Variants in EDAR observed in about 807,000 individuals in gnomAD.
EDAR encodes the protein tumor necrosis factor receptor superfamily member EDAR.
A neutral mutation model predicts 51.3 loss-of-function variants in EDAR; 38 were observed. The observed-to-expected ratio is 0.74, with a 90% CI of 0.57 to 0.97. The LOEUF (loss-of-function observed/expected upper bound fraction) is 0.97, where lower values mean the gene tolerates loss of function less well. Among genes scored for constraint, EDAR ranks in the 50% least tolerant of loss-of-function variants. The probability of loss-of-function intolerance (pLI) is 0.00; values close to 1 mark genes in which losing one functional copy is unlikely to be tolerated. For synonymous variants in EDAR, 227 were observed against 242.1 expected (o/e 0.94, Z 0.58); for missense variants, 528 against 595.0 (o/e 0.89, Z 1.17).
chr2:108,986,209 G>A (rs1252934163), intron 1 of EDAR, among the ~76,000 whole-genome samples: 1 of 151,978 alleles, frequency 6.6e-6, no homozygotes, highest in African/African-American at 2.4e-5. Context: ...CACCTACAAT[G>A]GCCTATATTT....
At chr2:108,918,243 A>G (rs1697063565) in intron 5 of EDAR, among the ~76,000 whole-genome samples, 1 of 152,056 alleles carries the variant, frequency 6.6e-6, no homozygotes, top group South Asian at 2.1e-4. Flanking sequence ...AGGCACCGGC[A>G]CCCCCTGCAC....
At chr2:108,984,444 G>A (rs1225659613) in intron 1 of EDAR, among the ~76,000 whole-genome samples, 1 of 152,022 alleles carries the variant, frequency 6.6e-6, no homozygotes, top group Admixed American at 6.6e-5. Flanking sequence ...GCCACGGCCC[G>A]CTCAGGCTCC....
intron 1 of EDAR, among the ~76,000 whole-genome samples, chr2:108,979,560 G>A (rs1698387778): frequency 6.6e-6 from 1 of 152,102 alleles, no homozygotes; most frequent in Non-Finnish European, 1.5e-5. Flanking sequence ...TAAGCTAGGG[G>A]CATGTCAGGT....
At position 108,897,142 on chromosome 2, in the gene EDAR, A is replaced by C; in HGVS notation, c.1112T>G (p.Val371Gly). ...CTCGGCGAGGTGGCGCCACGTTTTC[A>C]CAACAGCCTTCTCAGAGTTGTACGT... ...SSTYNSEKAV[V>G]KTWRHLAESF... Residue 371 changes from valine (V) to glycine (G), a missense_variant, in exon 12 of 12, where the codon GTG becomes GGG. Physicochemically the swap from Val to Gly is moderately radical, Grantham distance 109. Coordinates refer to ENST00000258443, the MANE Select transcript of EDAR (RefSeq NM_022336.4). 1 of 1,613,936 alleles carries C rather than the reference A, an allele frequency of 6.2e-7. No homozygotes were observed. Among genetic ancestry groups the C allele is most frequent in the African/African-American group, 1.3e-5 (1 of 75,010 alleles).
intron 5 of EDAR, among the ~76,000 whole-genome samples, chr2:108,916,855 G>A (rs992929887): frequency 6.6e-5 from 10 of 152,152 alleles, no homozygotes; most frequent in African/African-American, 2.2e-4. Context: ...GGCCACTAGA[G>A]CATCTGCAGG....
chr2:108,906,535 T>C (rs1696810143), intron 10 of EDAR, among the ~76,000 whole-genome samples, 167 bp from the exon 11 acceptor site: 1 of 152,116 alleles, frequency 6.6e-6, no homozygotes, highest in Non-Finnish European at 1.5e-5. Flanking sequence ...AGGAGGGCCT[T>C]CTTCAGGTTT....
intron 10 of EDAR, 139 bp from the exon 11 acceptor site, chr2:108,906,507 C>A: frequency 1.1e-6 from 1 of 875,504 alleles, no homozygotes; most frequent in East Asian, 2.6e-5. Flanking sequence ...GTCAGCAGCC[C>A]AGCCCTGACA....
chr2:108,912,567 G>A, intron 6 of EDAR, 111 bp downstream of exon 6: 1 of 1,042,810 alleles, frequency 9.6e-7, no homozygotes, highest in Non-Finnish European at 1.4e-6. Context: ...GGTGAGGCCA[G>A]GTGGGGAAGC....
At chr2:108,924,209 A>AT (rs1175967771) in intron 4 of EDAR, among the ~76,000 whole-genome samples, 1 of 152,130 alleles carries the variant, frequency 6.6e-6, no homozygotes, top group Non-Finnish European at 1.5e-5. Context: ...CAGCTCCCCG[A>AT]TGTCACAGTG....
intron 10 of EDAR, among the ~76,000 whole-genome samples, chr2:108,906,792 G>A (rs1030606928): frequency 6.6e-6 from 1 of 152,226 alleles, no homozygotes. Context: ...CCTGGCTGAA[G>A]AGTCCCGGGG....
intron 1 of EDAR, among the ~76,000 whole-genome samples, chr2:108,949,589 T>C (rs1697784014): frequency 1.3e-5 from 2 of 152,176 alleles, no homozygotes; most frequent in African/African-American, 4.8e-5. Flanking sequence ...TAAAATCTTT[T>C]TTTTTCCTAA....
Position 108,919,351 on chromosome 2 carries a change from C to T in EDAR, c.442+4017G>A, listed in dbSNP as rs555018499. Among the ~76,000 whole-genome samples the T allele has an allele frequency of 1.2e-3, 178 of 152,128 alleles. 1 individual carries two copies. Among genetic ancestry groups the T allele is most frequent in the Non-Finnish European group, 1.9e-3 (130 of 67,998 alleles). ...TGCGTTCTTTCATTAACCCTCTGAC[C>T]GCTTTTTATTTATTTATTTATTTAG... On this transcript the variant is annotated intron_variant, in intron 5 of 11. Transcript: ENST00000258443.
chr2:108,976,483 G>A (rs762488073), intron 1 of EDAR, among the ~76,000 whole-genome samples: 5 of 152,098 alleles, frequency 3.3e-5, no homozygotes, highest in Admixed American at 2.0e-4. Context: ...GACTCCTTCC[G>A]GTGCTCCTTG....
rs1574385383 is a variant in EDAR, at chr2:108,929,226, C to T, written c.328G>A (p.Asp110Asn). 2 of 1,614,142 alleles carry T rather than the reference C, an allele frequency of 1.2e-6. No homozygotes were observed. Among genetic ancestry groups the T allele is most frequent in the Middle Eastern group, 3.3e-4 (2 of 6,062 alleles). The change falls in exon 4 of 12, where the codon GAC becomes AAC. Residue 110 changes from aspartate (D) to asparagine (N), a missense_variant. Asp to Asn is a conservative substitution (Grantham distance 23). Transcript: ENST00000258443. ...TVLTPGDMEN[D>N]AECGPCLPGY... ...GGGAGGCAAGGGCCACACTCAGCGT[C>T]ATTCTCCATGTCCCCTGGTGTCAGC... is the stretch of plus-strand genomic sequence containing the variant.
chr2:108,912,621 G>A, intron 6 of EDAR, 57 bp downstream of exon 6: 1 of 1,470,938 alleles, frequency 6.8e-7, no homozygotes. Flanking sequence ...CCTCTTCTGA[G>A]CTTTCATCCG....
Position 108,910,720 on chromosome 2 carries a change from C to G in EDAR, c.730+56G>C. The G allele has an allele frequency of 3.1e-6, 5 of 1,594,926 alleles. No homozygotes were observed. In the Admixed American group the frequency reaches 8.3e-5, roughly 27 times the overall value. On this transcript the variant is annotated intron_variant, in intron 8 of 11. Transcript: ENST00000258443. ...CGAGGAGGCTGCTTCTGGGAACGCC[C>G]TCCACCCAGAGATGGGCACCGTGCA... is the stretch of plus-strand genomic sequence containing the variant.
chr2:108,936,358 C>T (rs1284458695), intron 1 of EDAR, among the ~76,000 whole-genome samples: 2 of 152,248 alleles, frequency 1.3e-5, no homozygotes, highest in Non-Finnish European at 2.9e-5. Context: ...GACCGCATCA[C>T]GGACAGGGAG....
intron 1 of EDAR, among the ~76,000 whole-genome samples, chr2:108,959,693 C>T (rs1394158936): frequency 6.6e-6 from 1 of 152,148 alleles, no homozygotes; most frequent in Non-Finnish European, 1.5e-5. Flanking sequence ...CTGCTGGGGC[C>T]GTGGGCAGTG....
intron 11 of EDAR, among the ~76,000 whole-genome samples, chr2:108,898,553 C>T (rs1351052345): frequency 2.6e-5 from 4 of 152,114 alleles, no homozygotes; most frequent in African/African-American, 9.7e-5. Context: ...TGAATTCACT[C>T]ATCATACCAA....
Sources: gnomAD v4.1 joint callset for allele counts (sites outside exome capture counted in the v4.1 genomes callset) on GRCh38, gnomAD v4.1.1 for gene constraint, MANE v1.5 for transcripts, NCBI Gene and HGNC (gene_info 2026-07-23, HGNC 2026-07-21) for gene names.